DNM3: variants seen among roughly 807,000 people sequenced by gnomAD.
The protein encoded by DNM3 is dynamin-3.
DNM3 carries 47 observed loss-of-function variants against 101.6 expected under a neutral mutation model. The ratio of observed to expected loss-of-function variants is 0.46; its 90% confidence interval spans 0.37 to 0.59. The LOEUF is 0.59. Among genes scored for constraint, DNM3 ranks in the 20% least tolerant of loss-of-function variants. The pLI, the probability that DNM3 is intolerant of heterozygous loss-of-function variation, is 0.00. For missense variants in DNM3, 849 were observed against 1,085.7 expected (o/e 0.78, Z 3.06); for synonymous variants, 385 against 387.9 (o/e 0.99, Z 0.09).
intron 2 of DNM3, among the ~76,000 whole-genome samples, chr1:171,923,265 A>G (rs2208368): frequency 0.64 from 98,027 of 152,076 alleles, 31,668 homozygotes; most frequent in Middle Eastern, 0.69. Flanking sequence ...TAATGACTAA[A>G]GATACTGAGC....
At chr1:171,951,034 C>T (rs2042491527) in intron 2 of DNM3, among the ~76,000 whole-genome samples, 1 of 152,116 alleles carries the variant, frequency 6.6e-6, no homozygotes, top group African/African-American at 2.4e-5. Context: ...TTTCTGTTCT[C>T]TGGGTTTCCC....
intron 2 of DNM3, among the ~76,000 whole-genome samples, chr1:171,949,119 G>A (rs985639858): frequency 1.3e-5 from 2 of 151,936 alleles, no homozygotes; most frequent in Admixed American, 6.6e-5. Flanking sequence ...GTTTTAATAT[G>A]GGAAATTGTC....
At chr1:172,068,929 G>A in intron 11 of DNM3, 24 bp downstream of exon 11, 1 of 1,545,282 alleles carries the variant, frequency 6.5e-7, no homozygotes, top group Middle Eastern at 1.7e-4. Context: ...TTCCCTGGTG[G>A]GCAGGGAGAT....
At chr1:172,373,092 G>C (rs1459465638) in intron 17 of DNM3, among the ~76,000 whole-genome samples, 1 of 151,982 alleles carries the variant, frequency 6.6e-6, no homozygotes, top group Non-Finnish European at 1.5e-5. Flanking sequence ...GGATTAAATA[G>C]ACATAAACAA....
chr1:172,195,811 C>G (rs963858366), intron 14 of DNM3, among the ~76,000 whole-genome samples: 3 of 151,070 alleles, frequency 2.0e-5, no homozygotes, highest in South Asian at 4.2e-4. Flanking sequence ...TATTTTTGGG[C>G]TTGATTTGGT....
At chr1:172,032,187 G>T (rs966426790) in intron 4 of DNM3, among the ~76,000 whole-genome samples, 3 of 152,022 alleles carry the variant, frequency 2.0e-5, no homozygotes, top group Non-Finnish European at 4.4e-5. Context: ...TCTCCCTTGG[G>T]TTGAAGGTTA....
rs184631643 is a variant in DNM3 at position 172,302,551 on chromosome 1, C to T, written c.1770-6177C>T. Among the ~76,000 whole-genome samples the T allele has an allele frequency of 1.2e-3, 181 of 152,340 alleles. 1 individual carries two copies. Among genetic ancestry groups the T allele is most frequent in the East Asian group, 6.2e-3 (32 of 5,182 alleles). On this transcript the variant is annotated intron_variant, in intron 15 of 20. Coordinates refer to ENST00000627582, the MANE Select transcript of DNM3 (RefSeq NM_015569.5). ...CAGCATGATGTTTGAGCTCTGAGAA[C>T]GGACAGACTGCCTCCTCAAGTGGGT...
rs1342466494 is a variant in DNM3 at position 172,403,751 on chromosome 1, TA to T, written c.2523-4018del. Among the ~76,000 whole-genome samples the T allele has an allele frequency of 2.0e-5, 3 of 152,278 alleles. No homozygotes were observed. The East Asian group carries it at 5.8e-4, about 29-fold the overall frequency. On this transcript the variant is annotated intron_variant, in intron 20 of 20. Coordinates refer to ENST00000627582, the MANE Select transcript of DNM3 (RefSeq NM_015569.5). The stretch of plus-strand genomic sequence containing the variant: ...GCCCACATACAACACAGTGTTTCAA[TA>T]AACACTAAGTGATACAAGATGCTCC...
intron 20 of DNM3, among the ~76,000 whole-genome samples, chr1:172,407,428 C>T (rs1271917154): frequency 1.3e-5 from 2 of 151,808 alleles, no homozygotes; most frequent in African/African-American, 4.8e-5. Flanking sequence ...AACAGTATAC[C>T]TTATTAGTTC....
intron 17 of DNM3, among the ~76,000 whole-genome samples, chr1:172,361,909 C>T (rs2067761592): frequency 6.6e-6 from 1 of 151,966 alleles, no homozygotes; most frequent in South Asian, 2.1e-4. Context: ...ATTGCAAATA[C>T]CCAACACTTA....
At chr1:172,360,608 A>G (rs776265476) in intron 17 of DNM3, among the ~76,000 whole-genome samples, 1 of 152,018 alleles carries the variant, frequency 6.6e-6, no homozygotes, top group Non-Finnish European at 1.5e-5. Flanking sequence ...AGGGTCTAAC[A>G]AGTGCTAAGA....
At chr1:172,088,431 C>T (rs1404416726) in intron 12 of DNM3, among the ~76,000 whole-genome samples, 2 of 152,100 alleles carry the variant, frequency 1.3e-5, no homozygotes, top group Non-Finnish European at 2.9e-5. Context: ...TGTACTAAAA[C>T]ATTGCCTTGA....
chr1:172,227,938 T>C (rs2061195612), intron 14 of DNM3, among the ~76,000 whole-genome samples: 1 of 152,142 alleles, frequency 6.6e-6, no homozygotes, highest in Admixed American at 6.6e-5. Context: ...TACTGAAGTT[T>C]AGTAACATGT....
intron 10 of DNM3, among the ~76,000 whole-genome samples, chr1:172,062,006 C>T (rs1224236475): frequency 6.6e-6 from 1 of 152,138 alleles, no homozygotes; most frequent in African/African-American, 2.4e-5. Context: ...TTATTAAAGT[C>T]TGAAACTTTT....
intron 10 of DNM3, among the ~76,000 whole-genome samples, chr1:172,068,033 A>G (rs1209801752): frequency 1.3e-5 from 2 of 152,124 alleles, no homozygotes; most frequent in Non-Finnish European, 2.9e-5. Context: ...TTTCTCCTCT[A>G]TTAAATGGGG....
chr1:172,263,379 A>G (rs777533131), intron 15 of DNM3, among the ~76,000 whole-genome samples: 4 of 152,210 alleles, frequency 2.6e-5, no homozygotes, highest in Non-Finnish European at 5.9e-5. Flanking sequence ...TGAAATTCCA[A>G]TTTATTCTGT....
intron 14 of DNM3, among the ~76,000 whole-genome samples, chr1:172,183,370 T>A: frequency 6.6e-6 from 1 of 152,144 alleles, no homozygotes; most frequent in Middle Eastern, 3.2e-3. Context: ...AAAGTTTTTT[T>A]AACACAAATT....
chr1:172,303,062 G>A (rs1022972586), intron 15 of DNM3, among the ~76,000 whole-genome samples: 1 of 152,034 alleles, frequency 6.6e-6, no homozygotes, highest in African/African-American at 2.4e-5. Context: ...GCCTCAGAAG[G>A]TCAGTAATAA....
At chr1:172,206,658 C>T (rs1010676567) in intron 14 of DNM3, among the ~76,000 whole-genome samples, 1 of 152,080 alleles carries the variant, frequency 6.6e-6, no homozygotes, top group East Asian at 1.9e-4. Context: ...TCAGTGCAAA[C>T]GTCAACATAG....
Sources: gnomAD v4.1 joint callset for allele counts (sites outside exome capture counted in the v4.1 genomes callset) on GRCh38, gnomAD v4.1.1 for gene constraint, MANE v1.5 for transcripts, NCBI Gene and HGNC (gene_info 2026-07-23, HGNC 2026-07-21) for gene names.